The following LRP2 variants were observed in gnomAD, a reference collection of about 807,000 sequenced individuals.
LRP2 encodes low-density lipoprotein receptor-related protein 2.
A neutral mutation model predicts 531.0 loss-of-function variants in LRP2; 172 were observed. That is an observed-to-expected ratio of 0.32 (90% CI 0.29 to 0.37). LRP2 has a LOEUF of 0.37. Ranked by LOEUF, LRP2 falls within the 10% of genes least tolerant of loss-of-function variation. The pLI, the probability that LRP2 is intolerant of heterozygous loss-of-function variation, is 1.00. For synonymous variants in LRP2, 1,992 were observed against 2,027.6 expected (o/e 0.98, Z 0.47); for missense variants, 5,167 against 5,868.3 (o/e 0.88, Z 3.90).
Position 169,175,283 on chromosome 2 carries a change from A to T in LRP2, c.10678T>A (p.Cys3560Ser). The change falls in exon 55 of 79, where the codon TGC becomes AGC. Residue 3560 changes from cysteine (C) to serine (S), a missense_variant. Cys to Ser is a moderately radical substitution (Grantham distance 112). Around this residue, in one of 6 missense-constraint regions of LRP2, gnomAD observed 311 missense variants for 309.4 expected, o/e 1.01. Coordinates refer to ENST00000649046, the MANE Select transcript of LRP2 (RefSeq NM_004525.3). ...GGGCTGGTGCAGTTGCCGTCACTGCACTGGAACTGTCCCAGTCGGCAGAAG... is the reference window on the plus strand; with the variant it reads ...GGGCTGGTGCAGTTGCCGTCACTGCTCTGGAACTGTCCCAGTCGGCAGAAG... ...QRFCRLGQFQ[C>S]SDGNCTSPQT... The T allele has an allele frequency of 1.9e-6, 3 of 1,614,216 alleles. No homozygotes were observed. Among genetic ancestry groups the T allele is most frequent in the Non-Finnish European group, 2.5e-6 (3 of 1,180,044 alleles).
At chr2:169,248,673 C>A (rs978845602) in intron 19 of LRP2, among the ~76,000 whole-genome samples, 11 of 123,978 alleles carry the variant, frequency 8.9e-5, no homozygotes, top group Non-Finnish European at 1.7e-4. Context: ...CTACAGCTCC[C>A]AGCGTGAGCG....
At chr2:169,225,702 A>G (rs989757676) in intron 32 of LRP2, among the ~76,000 whole-genome samples, 4 of 152,216 alleles carry the variant, frequency 2.6e-5, no homozygotes, top group Admixed American at 2.6e-4. Flanking sequence ...CTTAACTACC[A>G]CAAGCATACA....
intron 1 of LRP2, among the ~76,000 whole-genome samples, chr2:169,356,549 A>G (rs924466656): frequency 2.0e-5 from 3 of 152,238 alleles, no homozygotes; most frequent in African/African-American, 7.2e-5. Flanking sequence ...AAACTGCCCC[A>G]GAGCACCCAG....
In LRP2 at chr2:169,235,994, C is replaced by T. The variant is rs587780385; in HGVS notation, c.4766G>A (p.Arg1589His). The T allele has an allele frequency of 3.9e-5, 63 of 1,614,180 alleles. No individual in the cohort carries two copies. The highest frequency in any genetic ancestry group is 6.7e-5 in the African/African-American group (5 of 75,050). ...IERASMDGSMRTVIVQDKIFW... is the reference protein window; with the variant it reads ...IERASMDGSMHTVIVQDKIFW... ...GATCTTGTCCTGGACAATGACAGTGCGCATGCTGCCGTCCATGCTGGCTCG... is the reference window on the plus strand; with the variant it reads ...GATCTTGTCCTGGACAATGACAGTGTGCATGCTGCCGTCCATGCTGGCTCG... Residue 1589 changes from arginine (R) to histidine (H), a missense_variant, in exon 29 of 79, where the codon CGC (arginine) becomes CAC (histidine). This residue lies in a region of LRP2 where 2,811 missense variants were observed against 3,058.0 expected (regional missense o/e 0.92). Coordinates refer to ENST00000649046, the MANE Select transcript of LRP2 (RefSeq NM_004525.3).
intron 1 of LRP2, among the ~76,000 whole-genome samples, chr2:169,357,780 T>G (rs1282281722): frequency 2.0e-5 from 3 of 152,220 alleles, no homozygotes; most frequent in Non-Finnish European, 4.4e-5. Context: ...TTTAAAATTT[T>G]AATTTAAATA....
intron 9 of LRP2, among the ~76,000 whole-genome samples, chr2:169,287,849 ATTTT>A (rs1411027514): frequency 3.9e-4 from 35 of 90,394 alleles, no homozygotes; most frequent in African/African-American, 1.3e-3. Context: ...AAATTTTAAT[ATTTT>A]AATATTAAAA....
In LRP2 at chr2:169,290,874, T is replaced by G; in HGVS notation, c.893A>C (p.Glu298Ala). Reference protein sequence around the residue: ...GILDCPGREDENNTSTGKYCS... With the variant: ...GILDCPGREDANNTSTGKYCS... ...GTATTTTCCGGTACTAGTGTTGTTT[T>G]CATCTTCTCTTCCTGGGCAATCTAA... Residue 298 changes from glutamate (E) to alanine (A), a missense_variant, in exon 8 of 79, where the codon GAA (glutamate) becomes GCA (alanine). Glu to Ala is a moderately radical substitution (Grantham distance 107). Around this residue, in one of 6 missense-constraint regions of LRP2, gnomAD observed 2,811 missense variants for 3,058.0 expected, o/e 0.92. Coordinates refer to ENST00000649046, the MANE Select transcript of LRP2 (RefSeq NM_004525.3). 6.2e-7 allele frequency: 1 copy of G among 1,614,174 alleles called. No individual in the cohort carries two copies. Among genetic ancestry groups the G allele is most frequent in the Non-Finnish European group, 8.5e-7 (1 of 1,180,010 alleles).
chr2:169,256,030 C>G, intron 19 of LRP2, 76 bp downstream of exon 19: 1 of 1,479,562 alleles, frequency 6.8e-7, no homozygotes, highest in East Asian at 2.3e-5. Context: ...TGTGAAAATG[C>G]CACATGAGGA....
intron 63 of LRP2, 75 bp from the exon 64 acceptor site, chr2:169,157,577 C>T: frequency 3.2e-6 from 5 of 1,556,234 alleles, no homozygotes; most frequent in South Asian, 2.2e-5. Flanking sequence ...AAAAGAAGCA[C>T]CTACTCGTAA....
At chr2:169,225,474 A>T (rs1689167911) in intron 32 of LRP2, 21 bp from the exon 33 acceptor site, 1 of 1,613,560 alleles carries the variant, frequency 6.2e-7, no homozygotes, top group Non-Finnish European at 8.5e-7. Context: ...AGACAAGGGG[A>T]GGTGAGCAGT....
intron 60 of LRP2, 89 bp from the exon 61 acceptor site, chr2:169,168,765 C>T: frequency 7.2e-7 from 1 of 1,386,408 alleles, no homozygotes; most frequent in African/African-American, 1.4e-5. Flanking sequence ...TGGCTCTTGC[C>T]ATTATAGCCT....
intron 31 of LRP2, among the ~76,000 whole-genome samples, chr2:169,227,382 A>T (rs977509128): frequency 3.3e-5 from 5 of 152,380 alleles, no homozygotes; most frequent in Admixed American, 2.6e-4. Flanking sequence ...AAACATTCCC[A>T]TAATATCTTA....
At chr2:169,339,232 C>T (rs1685499768) in intron 1 of LRP2, among the ~76,000 whole-genome samples, 1 of 151,820 alleles carries the variant, frequency 6.6e-6, no homozygotes, top group African/African-American at 2.4e-5. Context: ...GTAGCTAATT[C>T]CCCCAAAAGC....
intron 51 of LRP2, 125 bp from the exon 52 acceptor site, chr2:169,181,743 CTTTT>C (rs575403370): frequency 1.4e-5 from 1 of 72,126 alleles, no homozygotes; most frequent in South Asian, 5.2e-4. Context: ...ATTCTGAATT[CTTTT>C]CTGCATTCAG....
At chr2:169,202,476 T>A (rs1332064323) in intron 43 of LRP2, among the ~76,000 whole-genome samples, 3 of 152,202 alleles carry the variant, frequency 2.0e-5, no homozygotes, top group Non-Finnish European at 4.4e-5. Context: ...AGCTCCATTT[T>A]ACAGATGAGA....
intron 55 of LRP2, 49 bp downstream of exon 55, chr2:169,175,144 A>G (rs1687144168): frequency 1.9e-6 from 3 of 1,568,266 alleles, no homozygotes; most frequent in Non-Finnish European, 2.6e-6. Flanking sequence ...ATGATCGTAT[A>G]CAATCAACAT....
intron 4 of LRP2, among the ~76,000 whole-genome samples, chr2:169,295,181 A>C (rs1160174801): frequency 6.6e-6 from 1 of 152,208 alleles, no homozygotes; most frequent in African/African-American, 2.4e-5. Context: ...TTGCAGAAAG[A>C]AAGCAGGCCT....
Position 169,225,332 on chromosome 2 carries a change from T to C in LRP2, c.5516A>G (p.Asn1839Ser). The change falls in exon 33 of 79, where the codon AAT becomes AGT. Residue 1839 changes from asparagine (N) to serine (S), a missense_variant. By Grantham distance (46) the Asn-to-Ser change is conservative. Around this residue, in one of 6 missense-constraint regions of LRP2, gnomAD observed 2,811 missense variants for 3,058.0 expected, o/e 0.92. Coordinates refer to ENST00000649046, the MANE Select transcript of LRP2 (RefSeq NM_004525.3). ...TACCTCGATTGACTGAGTTCTAGGA[T>C]TGGTAGAATAAAGGTTTCTTGAAAT... ...DWISRNLYST[N>S]PRTQSIEVLT... is the part of the protein sequence containing the mutation. The C allele has an allele frequency of 6.2e-7, 1 of 1,613,956 alleles. No homozygotes were observed. Among genetic ancestry groups the C allele is most frequent in the African/African-American group, 1.3e-5 (1 of 75,036 alleles).
At chr2:169,170,921 G>GTTT (rs57451386) in intron 58 of LRP2, among the ~76,000 whole-genome samples, 33,807 of 91,982 alleles carry the variant, frequency 0.37, 7,915 homozygotes, top group Admixed American at 0.45. Context: ...CTCTCTCTCT[G>GTTT]TTTTTTTTTT....
Sources: gnomAD v4.1 joint callset for allele counts (sites outside exome capture counted in the v4.1 genomes callset) on GRCh38, gnomAD v4.1.1 for gene constraint, gnomAD v4.1.1 regional missense constraint, MANE v1.5 for transcripts, NCBI Gene and HGNC (gene_info 2026-07-23, HGNC 2026-07-21) for gene names.